The following GARNL3 variants were observed in gnomAD, a reference collection of about 807,000 sequenced individuals.
GARNL3 encodes the protein GTPase activating Rap/RanGAP domain like 3.
In GARNL3, 63 loss-of-function variants were observed where a neutral mutation model predicts 125.0. The ratio of observed to expected loss-of-function variants is 0.50; its 90% CI spans 0.41 to 0.62. GARNL3 has a LOEUF of 0.62. GARNL3 is among the 20% of genes least tolerant of loss of function. The pLI, the probability that GARNL3 is intolerant of heterozygous loss-of-function variation, is 0.00. For missense variants in GARNL3, 994 were observed against 1,244.0 expected, an observed-to-expected ratio of 0.80 and a Z score of 3.02; for synonymous variants, 439 against 457.5, an observed-to-expected ratio of 0.96 and a Z score of 0.52.
chr9:127,355,666 C>T (rs1025420032), intron 20 of GARNL3, among the ~76,000 whole-genome samples, 194 bp downstream of exon 20: 2 of 152,226 alleles, frequency 1.3e-5, no homozygotes, highest in African/African-American at 4.8e-5. Flanking sequence ...TGAACATCTA[C>T]GGGTGCTGTT....
chr9:127,345,358 CT>C, intron 15 of GARNL3, 44 bp from the exon 16 acceptor site: 1 of 1,252,404 alleles, frequency 8.0e-7, no homozygotes, highest in Non-Finnish European at 1.1e-6. Flanking sequence ...TCCTGCTGTA[CT>C]TTTGCCGCCT....
At chr9:127,387,737 T>G in intron 25 of GARNL3, among the ~76,000 whole-genome samples, 1 of 139,742 alleles carries the variant, frequency 7.2e-6, no homozygotes, top group African/African-American at 2.7e-5. Context: ...AGCGAGACTC[T>G]GTCTACAAAA....
At chr9:127,342,485 C>T in intron 14 of GARNL3, 151 bp downstream of exon 14, 1 of 596,324 alleles carries the variant, frequency 1.7e-6, no homozygotes, top group East Asian at 2.8e-5. Flanking sequence ...CATGGGCTGA[C>T]AGTCTCTCAT....
chr9:127,361,253 T>C (rs1160731266), intron 21 of GARNL3, among the ~76,000 whole-genome samples: 2 of 151,500 alleles, frequency 1.3e-5, no homozygotes, highest in Non-Finnish European at 2.9e-5. Flanking sequence ...GAACTACTTA[T>C]TACTTTTTAT....
intron 22 of GARNL3, among the ~76,000 whole-genome samples, chr9:127,371,063 C>T (rs542196368): frequency 6.6e-6 from 1 of 152,366 alleles, no homozygotes; most frequent in Admixed American, 6.5e-5. Context: ...GCACCTTCCA[C>T]CCATCACCCA....
intron 22 of GARNL3, among the ~76,000 whole-genome samples, chr9:127,372,485 T>G (rs1329318000): frequency 6.6e-6 from 1 of 152,198 alleles, no homozygotes; most frequent in African/African-American, 2.4e-5. Context: ...CAAAATATCT[T>G]TTAGGGACAG....
chr9:127,306,211 A>G (rs954338174), intron 2 of GARNL3, among the ~76,000 whole-genome samples: 6 of 152,208 alleles, frequency 3.9e-5, no homozygotes, highest in Non-Finnish European at 8.8e-5. Flanking sequence ...ATTACGAAGG[A>G]AAACAGTTGT....
At chr9:127,348,716 A>C (rs181312210) in intron 16 of GARNL3, among the ~76,000 whole-genome samples, 33 of 152,194 alleles carry the variant, frequency 2.2e-4, no homozygotes, top group African/African-American at 7.5e-4. Flanking sequence ...CTGTGAATTC[A>C]CTCTTTTCCT....
At chr9:127,319,780 T>C (rs2065345482) in intron 5 of GARNL3, among the ~76,000 whole-genome samples, 1 of 152,200 alleles carries the variant, frequency 6.6e-6, no homozygotes, top group Admixed American at 6.5e-5. Context: ...TAAAAAGAAG[T>C]TTACTCTAGC....
At chr9:127,263,628 C>G, upstream of GARNL3, 1 of 982,832 alleles carries the variant, frequency 1.0e-6, no homozygotes, top group Non-Finnish European at 1.2e-6. Context: ...GGTTTTTATT[C>G]TTTTTTGGAG....
intron 2 of GARNL3, among the ~76,000 whole-genome samples, chr9:127,299,102 G>A (rs142905581): frequency 0.015 from 2,232 of 152,064 alleles, 52 homozygotes; most frequent in East Asian, 0.081. Flanking sequence ...GGATCACGAG[G>A]CCAGGAGACT....
At chr9:127,313,367 C>T (rs2065146575) in intron 3 of GARNL3, 74 bp from the exon 4 acceptor site, 2 of 1,026,532 alleles carry the variant, frequency 1.9e-6, no homozygotes, top group Admixed American at 3.4e-5. Context: ...CTGGACACCA[C>T]CTGCAGTGTC....
chr9:127,243,065 C>T (rs1168507203), intron 1 of GARNL3: 2 of 1,345,388 alleles, frequency 1.5e-6, no homozygotes, highest in Non-Finnish European at 2.0e-6. Context: ...CCTTTCCCAA[C>T]TCTTCTGTTT....
intron 7 of GARNL3, among the ~76,000 whole-genome samples, chr9:127,329,377 A>G (rs114816738): frequency 3.4e-4 from 52 of 152,320 alleles, no homozygotes; most frequent in African/African-American, 1.2e-3. Context: ...ACTTGGACAC[A>G]TGATCTCCCT....
intron 1 of GARNL3, among the ~76,000 whole-genome samples, chr9:127,277,706 T>C (rs1310099342): frequency 1.3e-5 from 2 of 152,184 alleles, no homozygotes; most frequent in Admixed American, 6.5e-5. Context: ...TTACCCACCA[T>C]TGCCCAGGCC....
At chr9:127,300,236 G>T in intron 2 of GARNL3, 1 of 292,778 alleles carries the variant, frequency 3.4e-6, no homozygotes, top group South Asian at 3.8e-5. Flanking sequence ...CACAATTTTT[G>T]AGCAAAAAAT....
chr9:127,244,140 G>A (rs1290408400), intron 2 of GARNL3, among the ~76,000 whole-genome samples: 2 of 152,192 alleles, frequency 1.3e-5, no homozygotes, highest in Admixed American at 1.3e-4. Flanking sequence ...GATCTGAGGT[G>A]GGTGAAGGAA....
rs561596927 is a variant in GARNL3, at chr9:127,285,397, T to C, written c.145-5771T>C. Reference sequence around the variant, plus strand: ...GAGATCACGCCATTGCACTCCAGCCTGGGCAACAAGAGTGAAACTCGCTTT... The same window carrying C: ...GAGATCACGCCATTGCACTCCAGCCCGGGCAACAAGAGTGAAACTCGCTTT... On this transcript the variant is annotated intron_variant, in intron 1 of 27. Transcript: ENST00000373387. 1.2e-4 allele frequency among the ~76,000 whole-genome samples: 18 copies of C among 152,372 alleles called. No individual in the cohort carries two copies. The East Asian group carries it at 3.3e-3, about 28-fold the overall frequency.
rs542275903 is a variant in GARNL3 at position 127,342,199 on chromosome 9, T to C, written c.1136-20T>C. The C allele has an allele frequency of 1.4e-6, 2 of 1,412,084 alleles. No individual in the cohort carries two copies. Among genetic ancestry groups the C allele is most frequent in the South Asian group, 1.2e-5 (1 of 86,894 alleles). The allele number at this position is 1,412,084 out of a possible 1,614,324, so 87.5% of individuals were successfully genotyped here. On this transcript the variant is annotated intron_variant, in intron 13 of 27. Coordinates refer to ENST00000373387, the MANE Select transcript of GARNL3 (RefSeq NM_032293.5). ...TCAAGAGATATCTTGTAATTCCCTT[T>C]TTAACTTGATTTATTTTAGTAATTA...
Sources: gnomAD v4.1 joint callset for allele counts (sites outside exome capture counted in the v4.1 genomes callset) on GRCh38, gnomAD v4.1.1 for gene constraint, MANE v1.5 for transcripts, NCBI Gene and HGNC (gene_info 2026-07-23, HGNC 2026-07-21) for gene names.